HELZ: variants seen among roughly 807,000 people sequenced by gnomAD.
HELZ encodes helicase with zinc finger, also known as ATP-dependent RNA helicase with zinc finger domain.
In HELZ, 23 loss-of-function variants were observed where a neutral mutation model predicts 218.2. The observed-to-expected ratio is 0.11, with a 90% CI of 0.08 to 0.15. The LOEUF (loss-of-function observed/expected upper bound fraction) is 0.15, where lower values mean the gene tolerates loss of function less well. HELZ is among the 10% of genes least tolerant of loss of function. The pLI, the probability that HELZ is intolerant of heterozygous loss-of-function variation, is 1.00. For missense variants in HELZ, 1,813 were observed against 2,353.7 expected (o/e 0.77, Z 4.75); for synonymous variants, 814 against 829.4 (o/e 0.98, Z 0.32).
chr17:67,213,168 C>T (rs1383145279), intron 5 of HELZ, among the ~76,000 whole-genome samples: 1 of 152,192 alleles, frequency 6.6e-6, no homozygotes, highest in Non-Finnish European at 1.5e-5. Flanking sequence ...ATCAATTTCA[C>T]TAGCACTCAG....
chr17:67,166,118 G>C (rs1189646817), intron 15 of HELZ, among the ~76,000 whole-genome samples: 1 of 152,118 alleles, frequency 6.6e-6, no homozygotes, highest in Non-Finnish European at 1.5e-5. Flanking sequence ...CTGCATGACA[G>C]AGCAAGACCC....
chr17:67,172,702 A>G lies in HELZ; in HGVS notation c.1431-4906T>C, dbSNP rs112778326. Among the ~76,000 whole-genome samples, 395 of 152,068 alleles carry G rather than the reference A, an allele frequency of 2.6e-3. 3 individuals are homozygous for G. The highest frequency in any genetic ancestry group is 9.2e-3 in the African/African-American group (382 of 41,482). Reference sequence around the variant, plus strand: ...AGCTCACTGCAGCCTTGACCTCCTGAGCTCAAGCGATCCTCCCCTCAGCCT... The same window carrying G: ...AGCTCACTGCAGCCTTGACCTCCTGGGCTCAAGCGATCCTCCCCTCAGCCT... On this transcript the variant is annotated intron_variant, in intron 13 of 32. Transcript: ENST00000358691.
intron 14 of HELZ, 41 bp downstream of exon 14, chr17:67,167,422 G>T (rs760689281): frequency 7.2e-7 from 1 of 1,393,030 alleles, no homozygotes; most frequent in Non-Finnish European, 1.0e-6. Flanking sequence ...TGATAATGAG[G>T]CTACAGACCA....
chr17:67,158,664 C>A (rs2038911230), intron 17 of HELZ, among the ~76,000 whole-genome samples: 2 of 152,190 alleles, frequency 1.3e-5, no homozygotes, highest in Admixed American at 1.3e-4. Flanking sequence ...CCATCTTGGG[C>A]TGAACCACTT....
chr17:67,128,555 C>A lies in HELZ; in HGVS notation c.3387+96G>T. On this transcript the variant is annotated intron_variant, in intron 24 of 32. Transcript: ENST00000358691. ...TTGCCGCCAAATGTAACCTTCAATT[C>A]CAACACTTAAAGTAACTTGCATCCC... is the stretch of plus-strand genomic sequence containing the variant. 4 of 1,106,410 alleles carry A rather than the reference C, an allele frequency of 3.6e-6. 1 individual carries two copies. The South Asian group carries it at 5.4e-5, about 15-fold the overall frequency. 68.5% of individuals were successfully genotyped at this position (1,106,410 alleles called of 1,614,324 possible).
intron 3 of HELZ, among the ~76,000 whole-genome samples, chr17:67,227,629 G>A (rs189103390): frequency 2.0e-4 from 31 of 152,210 alleles, no homozygotes; most frequent in Middle Eastern, 3.4e-3. Flanking sequence ...TCTCCAAATG[G>A]AACAATGATT....
chr17:67,079,482 T>C (rs992627363), intron 32 of HELZ, among the ~76,000 whole-genome samples: 1 of 152,224 alleles, frequency 6.6e-6, no homozygotes, highest in African/African-American at 2.4e-5. Flanking sequence ...ATGTTCCAGG[T>C]CAATATTTCT....
At chr17:67,218,947 G>T in intron 3 of HELZ, 125 bp from the exon 4 acceptor site, 2 of 645,560 alleles carry the variant, frequency 3.1e-6, no homozygotes, top group South Asian at 3.9e-5. Context: ...TTTTGATCAA[G>T]GTCACAGCTA....
chr17:67,177,368 T>TA (rs1020668096), intron 13 of HELZ, among the ~76,000 whole-genome samples: 6 of 152,194 alleles, frequency 3.9e-5, no homozygotes, highest in African/African-American at 1.2e-4. Flanking sequence ...CTAAGCTTTT[T>TA]AGGCTTCACA....
At chr17:67,192,628 T>C (rs2039926266) in intron 9 of HELZ, among the ~76,000 whole-genome samples, 1 of 152,224 alleles carries the variant, frequency 6.6e-6, no homozygotes, top group African/African-American at 2.4e-5. Flanking sequence ...AGGATTGTGT[T>C]CTGTCTCTTC....
chr17:67,168,165 G>C (rs926016870), intron 13 of HELZ, among the ~76,000 whole-genome samples: 1 of 152,014 alleles, frequency 6.6e-6, no homozygotes, highest in Admixed American at 6.6e-5. Context: ...TTTTAGTAGA[G>C]ACAGAGTTTT....
chr17:67,118,321 A>G (rs2037490373), intron 27 of HELZ, among the ~76,000 whole-genome samples: 1 of 152,240 alleles, frequency 6.6e-6, no homozygotes, highest in South Asian at 2.1e-4. Context: ...CTAAAACAAA[A>G]TAACAACAAA....
At chr17:67,186,160 C>CA (rs148232048) in intron 12 of HELZ, among the ~76,000 whole-genome samples, 29,697 of 147,776 alleles carry the variant, frequency 0.2, 3,020 homozygotes, top group African/African-American at 0.27. Context: ...AATAAAGAAA[C>CA]AAAAAAAAAA....
At chr17:67,113,651 C>T (rs1488814468) in intron 28 of HELZ, among the ~76,000 whole-genome samples, 1 of 152,074 alleles carries the variant, frequency 6.6e-6, no homozygotes, top group Non-Finnish European at 1.5e-5. Flanking sequence ...TTTAAGGTTA[C>T]AAATTAACAA....
chr17:67,234,366 C>G (rs1175566822), intron 3 of HELZ, among the ~76,000 whole-genome samples: 2 of 151,616 alleles, frequency 1.3e-5, no homozygotes, highest in Non-Finnish European at 2.9e-5. Flanking sequence ...CCCACCCTAC[C>G]CCATCTAATT....
Position 67,075,766 on chromosome 17 carries a change from A to G in HELZ, c.*2486T>C, listed in dbSNP as rs1339911057. 6.6e-6 allele frequency: 1 copy of G among 152,520 alleles called. No homozygotes were observed. The highest frequency in any genetic ancestry group is 1.5e-5 in the Non-Finnish European group (1 of 68,040). The allele number at this position is 152,520 out of a possible 1,614,324, so 9.4% of individuals were successfully genotyped here. A position where few individuals can be genotyped will look rare whatever the true frequency, so the allele number is the denominator to read the frequency against. On this transcript the variant is annotated 3_prime_UTR_variant, in exon 33 of 33. Transcript: ENST00000358691. ...GAATCTAAGAAGAGTATCAGATGGA[A>G]GCAGCGTTAGAATCCTTGACTGGCT...
At chr17:67,186,601 C>T (rs1427422791) in intron 12 of HELZ, among the ~76,000 whole-genome samples, 1 of 152,060 alleles carries the variant, frequency 6.6e-6, no homozygotes, top group Non-Finnish European at 1.5e-5. Flanking sequence ...TTAATACTAT[C>T]GTTCTTTTAC....
intron 32 of HELZ, among the ~76,000 whole-genome samples, chr17:67,081,130 C>A (rs901902208): frequency 3.3e-5 from 5 of 152,216 alleles, no homozygotes; most frequent in Non-Finnish European, 5.9e-5. Flanking sequence ...AGAAACCTAG[C>A]TTTGACTATG....
chr17:67,124,040 A>G (rs952617118), intron 24 of HELZ, 26 bp from the exon 25 acceptor site: 65 of 1,445,058 alleles, frequency 4.5e-5, no homozygotes, highest in Non-Finnish European at 6.3e-5. Flanking sequence ...CAAATGTATA[A>G]TAATTTAAGC....
Sources: allele counts gnomAD v4.1 joint callset (sites outside exome capture counted in the v4.1 genomes callset), GRCh38; gene constraint gnomAD v4.1.1; transcripts MANE v1.5; gene names NCBI Gene and HGNC (gene_info 2026-07-23, HGNC 2026-07-21).